Variants in RUNX1 observed in about 807,000 individuals in gnomAD.
RUNX1 encodes the protein runt-related transcription factor 1.
Under a neutral mutation model 42.8 loss-of-function variants are expected in RUNX1, and 19 were observed. The observed-to-expected ratio is 0.44, with a 90% CI of 0.31 to 0.65. RUNX1 has a LOEUF of 0.65. Ranked by LOEUF, RUNX1 falls within the 30% of genes least tolerant of loss-of-function variation. The pLI is 0.07. For missense variants in RUNX1, 528 were observed against 672.0 expected (o/e 0.79, Z 2.37); for synonymous variants, 271 against 289.4 (o/e 0.94, Z 0.64).
chr21:34,828,671 G>A (rs1359745826), intron 7 of RUNX1, among the ~76,000 whole-genome samples: 1 of 152,146 alleles, frequency 6.6e-6, no homozygotes, highest in African/African-American at 2.4e-5. Context: ...GGAGGTGATT[G>A]AGTCATAAGG....
chr21:34,891,435 T>A (rs1195850995), intron 3 of RUNX1, among the ~76,000 whole-genome samples: 1 of 152,118 alleles, frequency 6.6e-6, no homozygotes, highest in Non-Finnish European at 1.5e-5. Flanking sequence ...TGCCCTTCCT[T>A]ACTGAGGATC....
intron 3 of RUNX1, among the ~76,000 whole-genome samples, chr21:34,889,074 C>T (rs1245991086): frequency 6.6e-6 from 1 of 151,344 alleles, no homozygotes; most frequent in Admixed American, 6.6e-5. Context: ...AGGACCCGGC[C>T]GGCGCGCCGC....
chr21:34,797,095 T>C (rs2056540394), intron 8 of RUNX1, among the ~76,000 whole-genome samples: 1 of 152,226 alleles, frequency 6.6e-6, no homozygotes, highest in African/African-American at 2.4e-5. Context: ...GACAACACTT[T>C]TCAGGCCTGT....
At chr21:34,871,135 T>C (rs2057731306) in intron 5 of RUNX1, among the ~76,000 whole-genome samples, 1 of 152,156 alleles carries the variant, frequency 6.6e-6, no homozygotes, top group Admixed American at 6.5e-5. Flanking sequence ...TGAGCACATC[T>C]TCCTTTCCAC....
intron 2 of RUNX1, among the ~76,000 whole-genome samples, chr21:35,017,493 G>C (rs77787157): frequency 0.026 from 3,937 of 152,296 alleles, 170 homozygotes; most frequent in African/African-American, 0.089. Flanking sequence ...AAACATGAGA[G>C]AGTATTGGGG....
chr21:34,986,586 T>C (rs1368300876), intron 2 of RUNX1, among the ~76,000 whole-genome samples: 3 of 149,126 alleles, frequency 2.0e-5, no homozygotes, highest in Non-Finnish European at 4.4e-5. Context: ...GGCTGCTAAA[T>C]TCAATGATCA....
intron 4 of RUNX1, 62 bp downstream of exon 4, chr21:34,886,781 C>A (rs1163000656): frequency 1.2e-6 from 2 of 1,609,080 alleles, no homozygotes; most frequent in East Asian, 2.2e-5. Flanking sequence ...GCTGCCCTCG[C>A]GGATCTCCCC....
chr21:34,935,486 C>G (rs1329422220), intron 2 of RUNX1, among the ~76,000 whole-genome samples: 1 of 152,112 alleles, frequency 6.6e-6, no homozygotes, highest in East Asian at 1.9e-4. Context: ...TTCAACAAAA[C>G]TCTCGGGTTC....
chr21:34,801,927 G>A (rs1361138743), intron 7 of RUNX1, among the ~76,000 whole-genome samples: 1 of 152,160 alleles, frequency 6.6e-6, no homozygotes, highest in African/African-American at 2.4e-5. Context: ...TGTCTGGTGA[G>A]CAACTGGGTG....
intron 2 of RUNX1, among the ~76,000 whole-genome samples, chr21:35,012,389 T>A (rs903412918): frequency 6.6e-6 from 1 of 152,244 alleles, no homozygotes; most frequent in East Asian, 1.9e-4. Context: ...AAGTCACTTT[T>A]ACAAAGTTTG....
rs73373712 is a variant in RUNX1 at position 34,885,801 on chromosome 21, G to A, written c.351+1042C>T. 8.7e-3 allele frequency among the ~76,000 whole-genome samples: 1,321 copies of A among 151,946 alleles called. 20 individuals carry two copies. The highest frequency in any genetic ancestry group is 0.031 in the African/African-American group (1,268 of 41,400). On this transcript the variant is annotated intron_variant, in intron 4 of 8. Transcript: ENST00000675419. ...CACTTGGAACCACCTGCCTTGATTCGCCCTTTAAACGAACAGGAAATGACC... is the reference window on the plus strand; with the variant it reads ...CACTTGGAACCACCTGCCTTGATTCACCCTTTAAACGAACAGGAAATGACC...
intron 2 of RUNX1, among the ~76,000 whole-genome samples, chr21:35,029,986 A>C (rs1291972874): frequency 6.6e-6 from 1 of 152,178 alleles, no homozygotes. Flanking sequence ...GACAACTAGA[A>C]ATGTCTCCAG....
intron 5 of RUNX1, among the ~76,000 whole-genome samples, chr21:34,867,490 T>C (rs1251493634): frequency 5.3e-5 from 8 of 152,136 alleles, no homozygotes. Flanking sequence ...GCCAGTCCTT[T>C]ACAACGTCGA....
intron 2 of RUNX1, among the ~76,000 whole-genome samples, chr21:34,957,901 T>G (rs763175503): frequency 6.6e-6 from 1 of 152,148 alleles, no homozygotes; most frequent in South Asian, 2.1e-4. Context: ...TGGGGCAGGA[T>G]GTCTGTCCCA....
intron 5 of RUNX1, among the ~76,000 whole-genome samples, chr21:34,875,669 A>G (rs996895008): frequency 1.3e-5 from 2 of 152,220 alleles, no homozygotes; most frequent in African/African-American, 4.8e-5. Context: ...CTGTTAATAG[A>G]ATAGAGAAGG....
At chr21:34,930,291 T>TATATAA (rs1569110394) in intron 2 of RUNX1, among the ~76,000 whole-genome samples, 2 of 138,818 alleles carry the variant, frequency 1.4e-5, no homozygotes, top group African/African-American at 5.7e-5. Flanking sequence ...TATATATATA[T>TATATAA]AAATAAATAA....
intron 6 of RUNX1, among the ~76,000 whole-genome samples, chr21:34,846,582 T>G (rs1241156267): frequency 7.6e-6 from 1 of 131,414 alleles, no homozygotes; most frequent in African/African-American, 2.9e-5. Context: ...AGAGGAGACA[T>G]GAGCTGCTGA....
intron 2 of RUNX1, among the ~76,000 whole-genome samples, chr21:34,910,194 T>C (rs926053281): frequency 6.6e-6 from 1 of 152,208 alleles, no homozygotes; most frequent in Non-Finnish European, 1.5e-5. Context: ...ACCCTTAGCC[T>C]TCTGTTGCAG....
chr21:34,826,369 C>T (rs1436610713), intron 7 of RUNX1, among the ~76,000 whole-genome samples: 1 of 152,018 alleles, frequency 6.6e-6, no homozygotes, highest in East Asian at 1.9e-4. Context: ...GATGCCAGCA[C>T]CATGCTCTTG....
Sources: gnomAD v4.1 joint callset for allele counts (sites outside exome capture counted in the v4.1 genomes callset) on GRCh38, gnomAD v4.1.1 for gene constraint, MANE v1.5 for transcripts, NCBI Gene and HGNC (gene_info 2026-07-23, HGNC 2026-07-21) for gene names.